Variants in KDM4C observed in about 807,000 individuals in gnomAD.
KDM4C encodes lysine-specific demethylase 4C.
A neutral mutation model predicts 129.3 loss-of-function variants in KDM4C; 81 were observed. The ratio of observed to expected loss-of-function variants is 0.63; its 90% CI spans 0.52 to 0.75. KDM4C has a LOEUF of 0.75. Among genes scored for constraint, KDM4C ranks in the 30% least tolerant of loss-of-function variants. KDM4C has a pLI of 0.00. For missense variants in KDM4C, 1,457 were observed against 1,304.0 expected, an observed-to-expected ratio of 1.12 and a Z score of -1.81; for synonymous variants, 573 against 456.1, an observed-to-expected ratio of 1.26 and a Z score of -3.26.
intron 12 of KDM4C, among the ~76,000 whole-genome samples, chr9:6,995,893 G>T (rs186801471): frequency 1.7e-4 from 22 of 131,224 alleles, no homozygotes; most frequent in South Asian, 4.5e-4. Flanking sequence ...GGATGGTCTC[G>T]ATCTGACCTC....
rs1334939538 is a variant in KDM4C, at chr9:7,013,954, C to G, written c.2135C>G (p.Thr712Arg). The part of the protein sequence containing the change: ...PPNAFLEEDG[T>R]SLLISCAKCC... ...AATGCCTTCCTTGAAGAGGATGGAA[C>G]AAGTCTCCTTATTTCCTGTGCAAAG... Residue 712 changes from threonine to arginine, a missense_variant, in exon 14 of 22, where the codon ACA becomes AGA. Transcript: ENST00000381309. 3 of 1,613,858 alleles carry G rather than the reference C, an allele frequency of 1.9e-6. No homozygotes were observed. The highest frequency in any genetic ancestry group is 1.7e-6 in the Non-Finnish European group (2 of 1,179,876).
At chr9:7,096,379 T>G (rs1003471604) in intron 17 of KDM4C, among the ~76,000 whole-genome samples, 1 of 152,232 alleles carries the variant, frequency 6.6e-6, no homozygotes, top group Non-Finnish European at 1.5e-5. Flanking sequence ...CACTATTTTC[T>G]GCTAAGAGGG....
chr9:7,006,913 C>CGTTTATAAAATGAAACA (rs1285671920), intron 12 of KDM4C, among the ~76,000 whole-genome samples: 10 of 151,982 alleles, frequency 6.6e-5, no homozygotes, highest in African/African-American at 1.2e-4. Flanking sequence ...TAGGCAAGTT[C>CGTTTATAAAATGAAACA]GTTTATAAAA....
chr9:7,147,810 A>G (rs1842349298), intron 19 of KDM4C, among the ~76,000 whole-genome samples: 1 of 152,214 alleles, frequency 6.6e-6, no homozygotes, highest in African/African-American at 2.4e-5. Flanking sequence ...CCTTATCTGT[A>G]AATTGGAGAT....
At chr9:7,042,734 T>C (rs1296585014) in intron 15 of KDM4C, among the ~76,000 whole-genome samples, 1 of 152,080 alleles carries the variant, frequency 6.6e-6, no homozygotes, top group Non-Finnish European at 1.5e-5. Context: ...CTTTGATACC[T>C]TATGCCTTGC....
At chr9:7,028,176 A>G (rs1162729365) in intron 15 of KDM4C, among the ~76,000 whole-genome samples, 1 of 151,936 alleles carries the variant, frequency 6.6e-6, no homozygotes, top group African/African-American at 2.4e-5. Flanking sequence ...TGTGGCCACC[A>G]TTACCTAGGA....
chr9:6,820,169 T>C (rs1218556459), intron 4 of KDM4C, among the ~76,000 whole-genome samples: 1 of 152,124 alleles, frequency 6.6e-6, no homozygotes, highest in African/African-American at 2.4e-5. Context: ...GCTTGACTCT[T>C]TGCAGCCTGC....
At chr9:7,156,695 C>G (rs62532926) in intron 19 of KDM4C, among the ~76,000 whole-genome samples, 25,542 of 152,130 alleles carry the variant, frequency 0.17, 2,783 homozygotes, top group Non-Finnish European at 0.22. Context: ...GGCCTGTGTT[C>G]TGTTCCATTG....
intron 21 of KDM4C, chr9:7,170,435 AC>A (rs1217352426): frequency 5.1e-6 from 5 of 987,530 alleles, no homozygotes; most frequent in Non-Finnish European, 6.0e-6. Flanking sequence ...TTGTGGGAAT[AC>A]TAAAGCAGTT....
At chr9:6,829,657 A>G (rs924308132) in intron 4 of KDM4C, among the ~76,000 whole-genome samples, 2 of 152,186 alleles carry the variant, frequency 1.3e-5, no homozygotes, top group African/African-American at 4.8e-5. Flanking sequence ...TCTTTCAGAC[A>G]GTCACCAGGA....
At chr9:7,021,111 CAT>C (rs201794836) in intron 15 of KDM4C, among the ~76,000 whole-genome samples, 14 of 138,742 alleles carry the variant, frequency 1.0e-4, no homozygotes, top group South Asian at 2.5e-4. Flanking sequence ...TTTGTACATA[CAT>C]ATATATATGT....
chr9:7,004,627 T>G (rs1821324434), intron 12 of KDM4C, among the ~76,000 whole-genome samples: 1 of 152,230 alleles, frequency 6.6e-6, no homozygotes, highest in Admixed American at 6.5e-5. Flanking sequence ...TTTAGATACT[T>G]TTGTAAAAGA....
chr9:7,157,211 G>C (rs112982665), intron 19 of KDM4C, among the ~76,000 whole-genome samples: 4,280 of 152,276 alleles, frequency 0.028, 131 homozygotes, highest in East Asian at 0.15. Context: ...TTTGTATCCT[G>C]AGACTTTGCT....
intron 18 of KDM4C, among the ~76,000 whole-genome samples, chr9:7,119,498 A>G (rs1411273059): frequency 6.6e-6 from 1 of 152,154 alleles, no homozygotes; most frequent in Non-Finnish European, 1.5e-5. Flanking sequence ...TTTAAAAAAT[A>G]TTATTTATGC....
In KDM4C at chr9:7,130,847, C is replaced by T. The variant is rs183701459; in HGVS notation, c.2781+2611C>T. On this transcript the variant is annotated intron_variant, in intron 19 of 21. Coordinates refer to ENST00000381309, the MANE Select transcript of KDM4C (RefSeq NM_015061.6). ...GATCACAGCTCACTGCAGCCTTGTG[C>T]TCCTGGGCTCCGGTGATCCTCTCGC... is the stretch of plus-strand genomic sequence containing the variant. Among the ~76,000 whole-genome samples the T allele has an allele frequency of 2.4e-3, 370 of 152,084 alleles. 3 individuals are homozygous for T. Among genetic ancestry groups the T allele is most frequent in the African/African-American group, 8.7e-3 (362 of 41,488 alleles).
rs1477487723 is a variant in KDM4C at position 7,052,898 on chromosome 9, A to AGAGAGAGAGAGAGAGAGCGAGAGAGT, written c.2424+3701_2424+3702insAGAGAGAGAGAGAGCGAGAGAGTGAG. Among the ~76,000 whole-genome samples, 4 of 47,530 alleles carry AGAGAGAGAGAGAGAGAGCGAGAGAGT rather than the reference A, an allele frequency of 8.4e-5. 1 individual carries two copies. Among genetic ancestry groups the AGAGAGAGAGAGAGAGAGCGAGAGAGT allele is most frequent in the Non-Finnish European group, 2.8e-4 (4 of 14,394 alleles). The allele number at this position is 47,530 out of a possible 152,430, so 31.2% of individuals were successfully genotyped here. On this transcript the variant is annotated intron_variant, in intron 17 of 21. Transcript: ENST00000381309. ...GAGAGAGAGAGAGAGAGAGAGAGAG[A>AGAGAGAGAGAGAGAGAGCGAGAGAGT]GAGCGAGCGAGTGCCCAAGGGATGA...
chr9:6,895,488 A>G (rs988951386), intron 8 of KDM4C, among the ~76,000 whole-genome samples: 1 of 152,220 alleles, frequency 6.6e-6, no homozygotes, highest in Non-Finnish European at 1.5e-5. Context: ...CCCACGTGTC[A>G]TGCAAGATAG....
At chr9:7,124,308 A>C (rs1019839986) in intron 18 of KDM4C, among the ~76,000 whole-genome samples, 2 of 152,242 alleles carry the variant, frequency 1.3e-5, no homozygotes, top group Non-Finnish European at 2.9e-5. Flanking sequence ...TGTAATGCTG[A>C]CAATGACTGT....
chr9:6,788,792 A>AT (rs1368476613), intron 1 of KDM4C, among the ~76,000 whole-genome samples: 4 of 152,068 alleles, frequency 2.6e-5, no homozygotes. Context: ...GCAGAGGGGG[A>AT]GTTGGGAACA....
Sources: allele counts gnomAD v4.1 joint callset (sites outside exome capture counted in the v4.1 genomes callset), GRCh38; gene constraint gnomAD v4.1.1; transcripts MANE v1.5; gene names NCBI Gene and HGNC (gene_info 2026-07-23, HGNC 2026-07-21).